The following CEP192 variants were observed in gnomAD, a reference collection of about 807,000 sequenced individuals.
CEP192 encodes the protein centrosomal protein 192, also known as centrosomal protein of 192 kDa.
A neutral mutation model predicts 271.8 loss-of-function variants in CEP192; 151 were observed. The ratio of observed to expected loss-of-function variants is 0.56; its 90% CI spans 0.49 to 0.64. The LOEUF (loss-of-function observed/expected upper bound fraction) is 0.64. Among genes scored for constraint, CEP192 ranks in the 30% least tolerant of loss-of-function variants. CEP192 has a pLI of 0.00. For missense variants in CEP192, 2,910 were observed against 3,020.5 expected, an observed-to-expected ratio of 0.96 and a Z score of 0.86; for synonymous variants, 995 against 1,076.5, an observed-to-expected ratio of 0.92 and a Z score of 1.48.
At position 13,096,301 on chromosome 18, in the gene CEP192, C is replaced by G; in HGVS notation, c.6551C>G (p.Ala2184Gly). 6.2e-7 allele frequency: 1 copy of G among 1,613,186 alleles called. No individual in the cohort carries two copies. The highest frequency in any genetic ancestry group is 1.3e-5 in the African/African-American group (1 of 75,000). The change falls in exon 36 of 45, where the codon GCG (alanine) becomes GGG (glycine). Residue 2184 changes from alanine to glycine, a missense_variant. Coordinates refer to ENST00000506447, the MANE Select transcript of CEP192 (RefSeq NM_032142.4). ...LTVTPQHGCV[A>G]PESKLQILVS... ...GTCACGCCGCAGCATGGATGTGTCG[C>G]GCCAGAGTAAGTCTGACTTCTGTGT...
Position 13,069,859 on chromosome 18 carries a change from A to G in CEP192, c.5174+3A>G, listed in dbSNP as rs1348776249. The G allele has an allele frequency of 3.9e-6, 6 of 1,532,800 alleles. No individual in the cohort carries two copies. Among genetic ancestry groups the G allele is most frequent in the Non-Finnish European group, 5.4e-6 (6 of 1,107,084 alleles). 94.9% of individuals were successfully genotyped at this position (1,532,800 alleles called of 1,614,324 possible). ...GATCCTGAAGCCTGCGAGGAAAGGT[A>G]ATATAAAAATGTTATAATGGACCGG... On this transcript the variant is annotated splice_donor_region_variant and intron_variant, in intron 27 of 44. Coordinates refer to ENST00000506447, the MANE Select transcript of CEP192 (RefSeq NM_032142.4).
chr18:13,067,359 T>C (rs956421087), intron 21 of CEP192, among the ~76,000 whole-genome samples: 1 of 152,128 alleles, frequency 6.6e-6, no homozygotes, highest in Non-Finnish European at 1.5e-5. Flanking sequence ...CTGAGTTTGG[T>C]TGGTTTCCCG....
In CEP192 at chr18:13,071,187, G is replaced by A. The variant is rs562954997; in HGVS notation, c.5323G>A (p.Gly1775Arg). The change falls in exon 28 of 45, where the codon GGA (glycine) becomes AGA (arginine). Residue 1775 changes from glycine (G) to arginine (R), a missense_variant. Coordinates refer to ENST00000506447, the MANE Select transcript of CEP192 (RefSeq NM_032142.4). ...ILSNKQFLAWGGVPLGRTQLQ... is the reference protein window; with the variant it reads ...ILSNKQFLAWRGVPLGRTQLQ... ...GTCCAACAAACAATTTCTGGCTTGG[G>A]GAGGAGTCCCTCTAGGTAGAACACA... The A allele has an allele frequency of 1.9e-6, 3 of 1,613,998 alleles. No homozygotes were observed. The highest frequency in any genetic ancestry group is 2.7e-5 in the African/African-American group (2 of 75,040).
intron 9 of CEP192, among the ~76,000 whole-genome samples, chr18:13,022,150 A>G (rs1011003150): frequency 6.6e-6 from 1 of 151,456 alleles, no homozygotes; most frequent in African/African-American, 2.4e-5. Flanking sequence ...TCGTGTTGCC[A>G]TTGTTCCTTT....
chr18:13,095,484 T>C lies in CEP192; in HGVS notation c.6255-19T>C. On this transcript the variant is annotated intron_variant, in intron 34 of 44. Coordinates refer to ENST00000506447, the MANE Select transcript of CEP192 (RefSeq NM_032142.4). ...TCTTTCTTCATGTCTAACTTTTTCA[T>C]TTTTAAATAATTTTTTAGCGACTTG... is the stretch of plus-strand genomic sequence containing the variant. 1 of 1,581,770 alleles carries C rather than the reference T, an allele frequency of 6.3e-7. No individual in the cohort carries two copies. The highest frequency in any genetic ancestry group is 8.6e-7 in the Non-Finnish European group (1 of 1,166,276).
chr18:13,113,345 T>A (rs2040291164), intron 40 of CEP192, among the ~76,000 whole-genome samples: 1 of 152,228 alleles, frequency 6.6e-6, no homozygotes, highest in South Asian at 2.1e-4. Flanking sequence ...CAGTAAAGCA[T>A]TTATTGTACA....
At position 13,099,510 on chromosome 18, in the gene CEP192, T is replaced by C. The variant is rs199808589; in HGVS notation, c.6592T>C (p.Ser2198Pro). ...ACAAATTCTTGTGAGTCCTAATTCCTCCTTATCCACAAAACAGTCAATGTT... is the reference window on the plus strand; with the variant it reads ...ACAAATTCTTGTGAGTCCTAATTCCCCCTTATCCACAAAACAGTCAATGTT... ...KLQILVSPNS[S>P]LSTKQSMFPW... The change falls in exon 37 of 45, where the codon TCC (serine) becomes CCC (proline). Residue 2198 changes from serine to proline, a missense_variant. Physicochemically the swap from Ser to Pro is moderately conservative, Grantham distance 74. Transcript: ENST00000506447. The C allele has an allele frequency of 6.9e-6, 11 of 1,600,474 alleles. No homozygotes were observed. The highest frequency in any genetic ancestry group is 9.4e-6 in the Non-Finnish European group (11 of 1,173,036).
intron 9 of CEP192, among the ~76,000 whole-genome samples, chr18:13,023,220 A>T (rs1426602053): frequency 6.6e-6 from 1 of 152,066 alleles, no homozygotes; most frequent in Non-Finnish European, 1.5e-5. Flanking sequence ...TTTCCTCCCA[A>T]TCTATATACA....
At chr18:13,061,486 G>T (rs905061725) in intron 21 of CEP192, among the ~76,000 whole-genome samples, 1 of 152,238 alleles carries the variant, frequency 6.6e-6, no homozygotes, top group African/African-American at 2.4e-5. Flanking sequence ...GGAATGCTTA[G>T]TAACCTAGCT....
intron 2 of CEP192, among the ~76,000 whole-genome samples, chr18:13,001,034 T>G (rs980760291): frequency 1.3e-5 from 2 of 152,254 alleles, no homozygotes; most frequent in Non-Finnish European, 1.5e-5. Context: ...GATGTTTGGT[T>G]AAATACACCT....
At chr18:13,096,108 G>A (rs2039386208) in intron 35 of CEP192, 76 bp from the exon 36 acceptor site, 3 of 1,466,058 alleles carry the variant, frequency 2.0e-6, no homozygotes, top group African/African-American at 2.8e-5. Flanking sequence ...TTAGGGTTCT[G>A]GTTTATTAGT....
intron 30 of CEP192, among the ~76,000 whole-genome samples, chr18:13,083,682 GGAGGAGAA>G (rs1403635577): frequency 2.0e-5 from 3 of 152,158 alleles, no homozygotes; most frequent in Non-Finnish European, 4.4e-5. Context: ...GCGATCTTTT[GGAGGAGAA>G]GAGGTGCTCT....
chr18:13,025,897 C>A (rs945012568), intron 9 of CEP192, among the ~76,000 whole-genome samples: 1 of 152,104 alleles, frequency 6.6e-6, no homozygotes, highest in Non-Finnish European at 1.5e-5. Context: ...TGTTATTAGA[C>A]CAGTTAAAAA....
intron 7 of CEP192, 103 bp from the exon 8 acceptor site, chr18:13,018,377 C>T: frequency 1.5e-6 from 1 of 677,778 alleles, no homozygotes; most frequent in South Asian, 2.7e-5. Flanking sequence ...CTAATTCCTT[C>T]TACACTTATT....
chr18:13,014,882 G>A (rs8089724), intron 5 of CEP192, among the ~76,000 whole-genome samples: 164 of 152,054 alleles, frequency 1.1e-3, no homozygotes, highest in African/African-American at 3.7e-3. Flanking sequence ...AAATGGCTGC[G>A]TGCCCTTTAG....
At chr18:13,080,747 C>G (rs1234483668) in intron 30 of CEP192, among the ~76,000 whole-genome samples, 10 of 152,116 alleles carry the variant, frequency 6.6e-5, no homozygotes, top group Non-Finnish European at 1.2e-4. Context: ...CAGTTTTTGC[C>G]CATTCACTAT....
In CEP192 at chr18:13,095,605, G is replaced by A. The variant is rs577298631; in HGVS notation, c.6357G>A (p.Pro2119=). The A allele has an allele frequency of 1.1e-5, 18 of 1,614,156 alleles. No individual in the cohort carries two copies. Among genetic ancestry groups the A allele is most frequent in the East Asian group, 6.7e-5 (3 of 44,870 alleles). The change falls in exon 35 of 45, where the codon CCG becomes CCA. Residue 2119 remains proline, a synonymous_variant. Coordinates refer to ENST00000506447, the MANE Select transcript of CEP192 (RefSeq NM_032142.4). ...CTCTTCTCTCACGGGCGGCTCGCCC[G>A]CCTCTGGATCAGCTGGCCTCCGAAG... is the stretch of plus-strand genomic sequence containing the variant. ...GSPLLSRAAR[P]PLDQLASEEP...
intron 27 of CEP192, 27 bp downstream of exon 27, chr18:13,069,883 G>C: frequency 7.5e-7 from 1 of 1,328,604 alleles, no homozygotes; most frequent in Non-Finnish European, 1.1e-6. Context: ...ATAATGGACC[G>C]GGCACAGTGG....
At position 13,069,833 on chromosome 18, in the gene CEP192, G is replaced by A; in HGVS notation, c.5151G>A (p.Lys1717=). 1 of 1,590,338 alleles carries A rather than the reference G, an allele frequency of 6.3e-7. No homozygotes were observed. Among genetic ancestry groups the A allele is most frequent in the Non-Finnish European group, 8.6e-7 (1 of 1,158,902 alleles). The change falls in exon 27 of 45, where the codon AAG becomes AAA. Residue 1717 remains lysine (K), a synonymous_variant. Coordinates refer to ENST00000506447, the MANE Select transcript of CEP192 (RefSeq NM_032142.4). ...AGGTTATTGTTTCATTTACTCCAAAGGATCCTGAAGCCTGCGAGGAAAGGT... is the reference window on the plus strand; with the variant it reads ...AGGTTATTGTTTCATTTACTCCAAAAGATCCTGAAGCCTGCGAGGAAAGGT... ...EHEVIVSFTP[K]DPEACEERIL... is the part of the protein sequence containing the mutation.
Sources: gnomAD v4.1 joint callset for allele counts (sites outside exome capture counted in the v4.1 genomes callset) on GRCh38, gnomAD v4.1.1 for gene constraint, MANE v1.5 for transcripts, NCBI Gene and HGNC (gene_info 2026-07-23, HGNC 2026-07-21) for gene names.